The following DNAAF4 variants were observed in gnomAD, a reference collection of about 807,000 sequenced individuals.
The protein encoded by DNAAF4 is dynein axonemal assembly factor 4.
In DNAAF4, 43 loss-of-function variants were observed where a neutral mutation model predicts 51.8. That is an observed-to-expected ratio of 0.83 (90% CI 0.65 to 1.07). The LOEUF (loss-of-function observed/expected upper bound fraction) is 1.07. Ranked by LOEUF, DNAAF4 falls within the 50% of genes least tolerant of loss-of-function variation. DNAAF4 has a pLI of 0.00. For synonymous variants in DNAAF4, 194 were observed against 165.6 expected, an observed-to-expected ratio of 1.17 and a Z score of -1.32; for missense variants, 581 against 493.0, an observed-to-expected ratio of 1.18 and a Z score of -1.69.
chr15:55,426,712 G>T (rs11856786), downstream of DNAAF4, among the ~76,000 whole-genome samples: 6,920 of 152,222 alleles, frequency 0.045, 232 homozygotes, highest in Non-Finnish European at 0.068. Context: ...GAGCCACTGA[G>T]CCTGGCCCAA....
intron 3 of DNAAF4, among the ~76,000 whole-genome samples, chr15:55,492,195 A>T (rs1184347233): frequency 8.4e-6 from 1 of 118,386 alleles, no homozygotes; most frequent in African/African-American, 3.9e-5. Flanking sequence ...CCAAAGTTTC[A>T]CAAACTGAAG....
intron 4 of DNAAF4, among the ~76,000 whole-genome samples, chr15:55,482,244 AATC>A (rs34819072): frequency 0.41 from 62,384 of 151,836 alleles, 14,198 homozygotes; most frequent in East Asian, 0.74. Context: ...AAAAAATTAG[AATC>A]ATCATACATT....
At chr15:55,443,386 G>T in intron 6 of DNAAF4, 1 of 649,260 alleles carries the variant, frequency 1.5e-6, no homozygotes, top group South Asian at 1.9e-5. Flanking sequence ...CCGTGGGGCC[G>T]CACTTGCTCT....
intron 8 of DNAAF4, among the ~76,000 whole-genome samples, chr15:55,433,452 C>T (rs2057528886): frequency 6.6e-6 from 1 of 151,882 alleles, no homozygotes; most frequent in Admixed American, 6.6e-5. Flanking sequence ...CGGTGAAACC[C>T]CGTCTCTACT....
intron 7 of DNAAF4, among the ~76,000 whole-genome samples, chr15:55,424,566 T>G (rs578032048): frequency 1.5e-4 from 23 of 152,268 alleles, no homozygotes; most frequent in African/African-American, 5.5e-4. Context: ...GTGAACCACT[T>G]TTTTGACTAG....
intron 4 of DNAAF4, among the ~76,000 whole-genome samples, chr15:55,489,897 G>A (rs7175171): frequency 0.14 from 20,977 of 145,300 alleles, 2,172 homozygotes; most frequent in African/African-American, 0.3. Flanking sequence ...TTTTTGAGAC[G>A]GCGTCTCACT....
At chr15:55,504,687 A>C (rs1051756265) in intron 1 of DNAAF4, among the ~76,000 whole-genome samples, 14 of 152,256 alleles carry the variant, frequency 9.2e-5, no homozygotes, top group Non-Finnish European at 1.9e-4. Context: ...TTCCCTATTT[A>C]ATAAATGTGC....
In DNAAF4 at chr15:55,434,997, G is replaced by A. The variant is rs2057584589; in HGVS notation, c.955C>T (p.Leu319=). ...AINAYNLAIR[L]NNKMPLLYLN... ...TACAATAGTGGCATCTTATTATTTA[G>A]TCTTATGGCTAAATTATATGCATTG... The change falls in exon 8 of 10, where the codon CTA becomes TTA. Residue 319 remains leucine (L), a synonymous_variant. Transcript: ENST00000321149. 2 of 1,612,506 alleles carry A rather than the reference G, an allele frequency of 1.2e-6. No homozygotes were observed. Among genetic ancestry groups the A allele is most frequent in the Non-Finnish European group, 1.7e-6 (2 of 1,179,688 alleles).
chr15:55,506,621 G>C (rs771702843), intron 1 of DNAAF4, among the ~76,000 whole-genome samples: 3 of 152,096 alleles, frequency 2.0e-5, no homozygotes, highest in Non-Finnish European at 1.5e-5. Flanking sequence ...CCTAGAAAAA[G>C]TCTTGGTCCT....
intron 1 of DNAAF4, among the ~76,000 whole-genome samples, chr15:55,500,054 A>T (rs1469735745): frequency 1.3e-5 from 2 of 149,298 alleles, no homozygotes; most frequent in Non-Finnish European, 3.0e-5. Context: ...TTTTAACTTT[A>T]AAAAAAAAAC....
At chr15:55,479,962 T>C (rs193030578) in intron 4 of DNAAF4, among the ~76,000 whole-genome samples, 4 of 152,192 alleles carry the variant, frequency 2.6e-5, no homozygotes, top group African/African-American at 7.2e-5. Context: ...CCCTTATCAG[T>C]AGTTCTGCTT....
At position 55,432,497 on chromosome 15, in the gene DNAAF4, C is replaced by T. The variant is rs2057511986; in HGVS notation, c.1153G>A (p.Gly385Ser). The T allele has an allele frequency of 1.2e-6, 2 of 1,608,174 alleles. No homozygotes were observed. The highest frequency in any genetic ancestry group is 1.7e-6 in the Non-Finnish European group (2 of 1,176,508). Reference sequence around the variant, plus strand: ...TAAACCATTTCTATCAATTCCTTACCTTCTACATACAATTCTAGTTGACAG... The same window carrying T: ...TAAACCATTTCTATCAATTCCTTACTTTCTACATACAATTCTAGTTGACAG... Reference protein sequence around the residue: ...AFCQLELYVEGLQDYEAALKI... With the variant: ...AFCQLELYVESLQDYEAALKI... Residue 385 changes from glycine to serine, a missense_variant and splice_region_variant, in exon 9 of 10, where the codon GGC (glycine) becomes AGC (serine). Transcript: ENST00000321149.
chr15:55,454,390 G>C (rs1338553248), intron 5 of DNAAF4, among the ~76,000 whole-genome samples: 4 of 151,682 alleles, frequency 2.6e-5, no homozygotes, highest in African/African-American at 9.7e-5. Flanking sequence ...TTTTGTTTTT[G>C]TTTTTGAGAC....
intron 5 of DNAAF4, among the ~76,000 whole-genome samples, chr15:55,465,042 C>A (rs1273267514): frequency 6.6e-6 from 1 of 152,096 alleles, no homozygotes; most frequent in Non-Finnish European, 1.5e-5. Flanking sequence ...AAATCAAAAC[C>A]ACAATGCGAT....
At chr15:55,494,561 A>C (rs749730103) in intron 3 of DNAAF4, among the ~76,000 whole-genome samples, 4 of 151,846 alleles carry the variant, frequency 2.6e-5, no homozygotes, top group Admixed American at 6.6e-5. Context: ...ACAGGCATCC[A>C]CTACCACGCC....
At chr15:55,423,354 T>C (rs1343782034) in intron 7 of DNAAF4, among the ~76,000 whole-genome samples, 3 of 152,030 alleles carry the variant, frequency 2.0e-5, no homozygotes, top group South Asian at 4.1e-4. Flanking sequence ...ACTACAGTCA[T>C]GCACCACCAT....
At chr15:55,480,119 C>T (rs2058388510) in intron 4 of DNAAF4, among the ~76,000 whole-genome samples, 1 of 152,014 alleles carries the variant, frequency 6.6e-6, no homozygotes, top group Non-Finnish European at 1.5e-5. Flanking sequence ...ATCTTTGTAT[C>T]TACTCCCTGT....
Position 55,498,222 on chromosome 15 carries a change from C to G in DNAAF4, c.108G>C (p.Thr36=). ...VCVRDTDVFC[T]ENYLKVNFPP... ...GCATTCTTACCTTCAGATAGTTTTC[C>G]GTGCAGAACACGTCCGTGTCTCTGA... The change falls in exon 2 of 10, where the codon ACG becomes ACC. Residue 36 remains threonine (T), a synonymous_variant. Coordinates refer to ENST00000321149, the MANE Select transcript of DNAAF4 (RefSeq NM_130810.4). The G allele has an allele frequency of 6.2e-7, 1 of 1,613,956 alleles. No homozygotes were observed.
At chr15:55,475,267 C>T (rs1474146599) in intron 4 of DNAAF4, among the ~76,000 whole-genome samples, 1 of 152,124 alleles carries the variant, frequency 6.6e-6, no homozygotes, top group Non-Finnish European at 1.5e-5. Flanking sequence ...GGCAATTCCC[C>T]TCCACAAATA....
Sources: gnomAD v4.1 joint callset for allele counts (sites outside exome capture counted in the v4.1 genomes callset) on GRCh38, gnomAD v4.1.1 for gene constraint, MANE v1.5 for transcripts, NCBI Gene and HGNC (gene_info 2026-07-23, HGNC 2026-07-21) for gene names.